The following ATRX variants were observed in gnomAD, a reference collection of about 807,000 sequenced individuals.
ATRX encodes the protein chromatin remodeler ATRX.
A neutral mutation model predicts 172.6 loss-of-function variants in ATRX; 12 were observed. The ratio of observed to expected loss-of-function variants is 0.07; its 90% CI spans 0.04 to 0.11. ATRX has a LOEUF of 0.11. Among genes scored for constraint, ATRX ranks in the 10% least tolerant of loss-of-function variants. ATRX has a pLI of 1.00. For synonymous variants in ATRX, 674 were observed against 594.7 expected, an observed-to-expected ratio of 1.13 and a Z score of -1.94; for missense variants, 1,368 against 1,767.4, an observed-to-expected ratio of 0.77 and a Z score of 4.05.
At chrX:77,763,473 TAAA>T (rs782021851) in intron 1 of ATRX, among the ~76,000 whole-genome samples, 37 of 84,077 alleles carry the variant, frequency 4.4e-4, no homozygotes, top group African/African-American at 1.5e-3. Flanking sequence ...TTCTTTTTTT[TAAA>T]AAAAAAAAAA....
intron 20 of ATRX, 21 bp from the exon 21 acceptor site, chrX:77,619,002 C>G (rs782151776): frequency 1.9e-6 from 2 of 1,037,740 alleles, no homozygotes; most frequent in East Asian, 3.0e-5. Context: ...AGACATTATT[C>G]ATTAACAACA....
At chrX:77,610,775 T>TTC (rs2067119767) in intron 22 of ATRX, among the ~76,000 whole-genome samples, 1 of 109,193 alleles carries the variant, frequency 9.2e-6, no homozygotes, top group Non-Finnish European at 1.9e-5. Flanking sequence ...TTAATGTATC[T>TTC]TCCTGCATGG....
intron 34 of ATRX, among the ~76,000 whole-genome samples, chrX:77,519,514 C>T (rs181308292): frequency 9.0e-6 from 1 of 110,834 alleles, no homozygotes; most frequent in Admixed American, 9.6e-5. Context: ...GTCAGAGGAT[C>T]GTTTAAGCCC....
At chrX:77,694,563 T>C in intron 5 of ATRX, among the ~76,000 whole-genome samples, 1 of 111,125 alleles carries the variant, frequency 9.0e-6, no homozygotes. Flanking sequence ...CAATAAATTG[T>C]AGAATGAGAT....
At chrX:77,567,446 CAA>C (rs1461044711) in intron 28 of ATRX, among the ~76,000 whole-genome samples, 1 of 111,095 alleles carries the variant, frequency 9.0e-6, no homozygotes, top group Admixed American at 9.6e-5. Flanking sequence ...CAAAATAAAA[CAA>C]GAGTGGTTAT....
rs1041529012 is a variant in ATRX, at chrX:77,683,779, G to A, written c.1477C>T (p.His493Tyr). 3 of 1,207,858 alleles carry A rather than the reference G, an allele frequency of 2.5e-6. No individual in the cohort carries two copies. Among genetic ancestry groups the A allele is most frequent in the Non-Finnish European group, 2.2e-6 (2 of 893,306 alleles). ...TCTTCTTTTCTATCAGATTTCTTAT[G>A]TTCACCACCGGTACTTTTATTTGTT... ...QRTNKSTGGE[H>Y]KKSDRKEEPQ... is the part of the protein sequence containing the mutation. The change falls in exon 9 of 35, where the codon CAT becomes TAT. Residue 493 changes from histidine to tyrosine, a missense_variant. Physicochemically the swap from His to Tyr is moderately conservative, Grantham distance 83 (BLOSUM62 2). Coordinates refer to ENST00000373344, the MANE Select transcript of ATRX (RefSeq NM_000489.6).
At chrX:77,656,416 T>C (rs1349893216) in intron 13 of ATRX, 144 bp downstream of exon 13, 2 of 492,056 alleles carry the variant, frequency 4.1e-6, no homozygotes, top group Non-Finnish European at 7.1e-6. Context: ...CTTTTTAAAC[T>C]ATTAAGTATA....
chrX:77,725,110 C>T (rs373259823), intron 1 of ATRX, among the ~76,000 whole-genome samples: 13 of 111,885 alleles, frequency 1.2e-4, no homozygotes, highest in African/African-American at 3.6e-4. Context: ...ACCATAGAGT[C>T]TAGATAAAAG....
chrX:77,697,946 C>T (rs191014730), intron 3 of ATRX, among the ~76,000 whole-genome samples: 25 of 111,343 alleles, frequency 2.2e-4, no homozygotes, highest in African/African-American at 8.1e-4. Context: ...TGATCATGGC[C>T]CCAGTCAACA....
intron 30 of ATRX, among the ~76,000 whole-genome samples, chrX:77,526,230 T>A (rs2063377177): frequency 8.9e-6 from 1 of 112,120 alleles, no homozygotes; most frequent in Admixed American, 9.5e-5. Flanking sequence ...CCCAGAACTA[T>A]TCCCTTAGAA....
intron 9 of ATRX, among the ~76,000 whole-genome samples, chrX:77,677,545 T>G (rs531963025): frequency 1.8e-5 from 2 of 111,258 alleles, no homozygotes; most frequent in African/African-American, 6.5e-5. Flanking sequence ...CACAAATGAG[T>G]GCATGTGAAA....
intron 7 of ATRX, among the ~76,000 whole-genome samples, chrX:77,685,207 A>G (rs2071484158): frequency 8.9e-6 from 1 of 112,215 alleles, no homozygotes; most frequent in Non-Finnish European, 1.9e-5. Flanking sequence ...TCAAGTTAAA[A>G]AGCTTCTGCA....
chrX:77,669,055 A>G (rs1328411224), intron 10 of ATRX, among the ~76,000 whole-genome samples: 1 of 111,799 alleles, frequency 8.9e-6, no homozygotes, highest in Non-Finnish European at 1.9e-5. Flanking sequence ...TCGAGCCATT[A>G]ACAAAAGCAA....
chrX:77,513,332 A>AG (rs2062942677), intron 34 of ATRX, among the ~76,000 whole-genome samples: 1 of 108,188 alleles, frequency 9.2e-6, no homozygotes, highest in East Asian at 2.9e-4. Flanking sequence ...AAAAAAAAAA[A>AG]AAAAAAAAAG....
intron 34 of ATRX, among the ~76,000 whole-genome samples, chrX:77,514,960 A>T (rs1426745785): frequency 2.7e-5 from 3 of 112,490 alleles, no homozygotes; most frequent in Admixed American, 9.4e-5. Flanking sequence ...ACATGAACAG[A>T]CACTTTGCAA....
At chrX:77,762,583 A>G (rs1557193369) in intron 1 of ATRX, among the ~76,000 whole-genome samples, 1 of 111,425 alleles carries the variant, frequency 9.0e-6, no homozygotes, top group African/African-American at 3.3e-5. Context: ...AAAAACAATT[A>G]GTTGAAAATA....
At chrX:77,690,592 T>C (rs1339582835) in intron 6 of ATRX, among the ~76,000 whole-genome samples, 1 of 111,391 alleles carries the variant, frequency 9.0e-6, no homozygotes, top group Admixed American at 9.6e-5. Context: ...ACCTACCTAA[T>C]AGCAGGCATT....
At chrX:77,756,523 A>C (rs1487512154) in intron 1 of ATRX, among the ~76,000 whole-genome samples, 1 of 110,950 alleles carries the variant, frequency 9.0e-6, no homozygotes, top group African/African-American at 3.3e-5. Flanking sequence ...GGACTGCAAA[A>C]ATCATGGGAA....
intron 2 of ATRX, among the ~76,000 whole-genome samples, chrX:77,704,115 C>T (rs782586615): frequency 2.2e-4 from 24 of 110,916 alleles, no homozygotes; most frequent in Admixed American, 4.8e-4. Flanking sequence ...CATCATCTCT[C>T]CTTCGTCTCT....
Sources: allele counts gnomAD v4.1 joint callset (sites outside exome capture counted in the v4.1 genomes callset), GRCh38; gene constraint gnomAD v4.1.1; transcripts MANE v1.5; gene names NCBI Gene and HGNC (gene_info 2026-07-23, HGNC 2026-07-21).